Variants in AGPAT4 observed in about 807,000 individuals in gnomAD.
AGPAT4 encodes the protein 1-acyl-sn-glycerol-3-phosphate acyltransferase delta.
AGPAT4 carries 15 observed loss-of-function variants against 48.0 expected under a neutral mutation model. That is an observed-to-expected ratio of 0.31 (90% CI 0.21 to 0.48). AGPAT4 has a LOEUF of 0.48. Among genes scored for constraint, AGPAT4 ranks in the 20% least tolerant of loss-of-function variants. The pLI, the probability that AGPAT4 is intolerant of heterozygous loss-of-function variation, is 0.99. For synonymous variants in AGPAT4, 178 were observed against 198.7 expected (o/e 0.90, Z 0.88); for missense variants, 314 against 482.5 (o/e 0.65, Z 3.27).
intron 2 of AGPAT4, among the ~76,000 whole-genome samples, chr6:161,175,310 T>C (rs568149146): frequency 6.6e-5 from 10 of 152,296 alleles, no homozygotes; most frequent in Non-Finnish European, 1.5e-5. Flanking sequence ...CTATTAATTA[T>C]TGCCTCAATT....
At position 161,196,230 on chromosome 6, in the gene AGPAT4, T is replaced by C. The variant is rs2115005698; in HGVS notation, c.179-29813A>G. Among the ~76,000 whole-genome samples, 1 of 151,936 alleles carries C rather than the reference T, an allele frequency of 6.6e-6. No individual in the cohort carries two copies. Among genetic ancestry groups the C allele is most frequent in the East Asian group, 1.9e-4 (1 of 5,158 alleles). ...GTGACACTTTACCAAAGAACAGCAA[T>C]GTTAAGAAAAAGCCAGGAACTGGAG... is the stretch of plus-strand genomic sequence containing the variant. On this transcript the variant is annotated intron_variant, in intron 2 of 8. Transcript: ENST00000320285. This position sits in a 1 kb window ranked among gnomAD's most constrained non-coding sequence, Gnocchi z 4.3.
chr6:161,186,430 AC>A (rs983091387), intron 2 of AGPAT4, among the ~76,000 whole-genome samples: 8 of 152,004 alleles, frequency 5.3e-5, no homozygotes, highest in African/African-American at 1.5e-4. Context: ...TCCTGTGCAC[AC>A]CACCGACGGC....
chr6:161,260,382 T>C (rs1180741270), intron 1 of AGPAT4, among the ~76,000 whole-genome samples: 1 of 152,024 alleles, frequency 6.6e-6, no homozygotes, highest in Non-Finnish European at 1.5e-5. Context: ...AAGCCAGGCC[T>C]GGCACAGTGG....
rs755379732 is a variant in AGPAT4 at position 161,130,900 on chromosome 6, A to G, written c.*5640T>C. ...AAGATACAGAGAGAATGGCATTCCA[A>G]AATTCCATGGATGACTTTTCTGAAT... On this transcript the variant is annotated 3_prime_UTR_variant, in exon 9 of 9. Transcript: ENST00000320285. 1.9e-5 allele frequency: 10 copies of G among 518,938 alleles called. No homozygotes were observed. The highest frequency in any genetic ancestry group is 3.1e-5 in the Non-Finnish European group (8 of 259,860). 32.1% of individuals were successfully genotyped at this position (518,938 alleles called of 1,614,324 possible). A position where few individuals can be genotyped will look rare whatever the true frequency, so the allele number is the denominator to read the frequency against.
At chr6:161,145,094 T>C (rs1225252389) in intron 7 of AGPAT4, among the ~76,000 whole-genome samples, 2 of 151,776 alleles carry the variant, frequency 1.3e-5, no homozygotes, top group Non-Finnish European at 2.9e-5. Context: ...GAAATTCATA[T>C]GGTTTTCTGT....
Position 161,208,417 on chromosome 6 carries a change from T to C in AGPAT4, c.178+23619A>G, listed in dbSNP as rs894606111. 6.6e-6 allele frequency among the ~76,000 whole-genome samples: 1 copy of C among 152,132 alleles called. No homozygotes were observed. The highest frequency in any genetic ancestry group is 1.5e-5 in the Non-Finnish European group (1 of 68,036). On this transcript the variant is annotated intron_variant, in intron 2 of 8. Transcript: ENST00000320285. This position sits in a 1 kb window ranked among gnomAD's most constrained non-coding sequence, Gnocchi z 4.6. Reference sequence around the variant, plus strand: ...TCTTAACAGCTCAATTAAACTCATGTACACACTTATGTATACAAATGCACG... The same window carrying C: ...TCTTAACAGCTCAATTAAACTCATGCACACACTTATGTATACAAATGCACG...
Position 161,137,043 on chromosome 6 carries a change from C to T in AGPAT4, c.1043-409G>A, listed in dbSNP as rs568913624. Among the ~76,000 whole-genome samples the T allele has an allele frequency of 2.0e-5, 3 of 152,322 alleles. No individual in the cohort carries two copies. Among genetic ancestry groups the T allele is most frequent in the East Asian group, 1.9e-4 (1 of 5,184 alleles). On this transcript the variant is annotated intron_variant, in intron 8 of 8. Coordinates refer to ENST00000320285, the MANE Select transcript of AGPAT4 (RefSeq NM_020133.3). This position sits in a 1 kb window ranked among gnomAD's most constrained non-coding sequence, Gnocchi z 6.1. ...AAGAACAGACCAGGAGCCTGGAAGA[C>T]GCAAGAGCTCGAGTATCGAGTGCCC...
rs1181986608 is a variant in AGPAT4, at chr6:161,221,350, G to C, written c.178+10686C>G. On this transcript the variant is annotated intron_variant, in intron 2 of 8. Transcript: ENST00000320285. The surrounding 1 kb of genome is among the most constrained non-coding windows in gnomAD (Gnocchi z 4.5). The stretch of plus-strand genomic sequence containing the variant: ...CGCACTTTACTCCTTTGAGTTCCTG[G>C]ATTTAAGAGGTGGGAAAAAGGATTT... Among the ~76,000 whole-genome samples the C allele has an allele frequency of 6.6e-6, 1 of 152,148 alleles. No individual in the cohort carries two copies. Among genetic ancestry groups the C allele is most frequent in the Non-Finnish European group, 1.5e-5 (1 of 68,026 alleles).
Position 161,251,452 on chromosome 6 carries a change from G to A in AGPAT4, c.-89-19150C>T, listed in dbSNP as rs987289166. ...AAGTGACCTGCCTGTCACTCAGCTG[G>A]TCAGAACAAAGGAGGGCTCCACCAA... On this transcript the variant is annotated intron_variant, in intron 1 of 8. Transcript: ENST00000320285. The surrounding 1 kb of genome is among the most constrained non-coding windows in gnomAD (Gnocchi z 4.6). 6.6e-6 allele frequency among the ~76,000 whole-genome samples: 1 copy of A among 152,180 alleles called. No homozygotes were observed. Among genetic ancestry groups the A allele is most frequent in the African/African-American group, 2.4e-5 (1 of 41,438 alleles).
Position 161,232,412 on chromosome 6 carries a change from G to A in AGPAT4, c.-89-110C>T, listed in dbSNP as rs1463666913. 2.6e-5 allele frequency: 14 copies of A among 544,778 alleles called. No homozygotes were observed. In the East Asian group the frequency reaches 3.0e-4, roughly 12 times the overall value. The allele number at this position is 544,778 out of a possible 1,614,324, so 33.7% of individuals were successfully genotyped here. ...TACACTTGAGGTTAAACTCATGTGC[G>A]TTAGTTGATTTATCTTTATTTTGCA... On this transcript the variant is annotated intron_variant, in intron 1 of 8. Transcript: ENST00000320285. This position sits in a 1 kb window ranked among gnomAD's most constrained non-coding sequence, Gnocchi z 6.8.
At position 161,245,324 on chromosome 6, in the gene AGPAT4, G is replaced by A. The variant is rs1202579893; in HGVS notation, c.-89-13022C>T. ...CAGGGGTGATGGGAGACTTCAGGAGGTGATGGATGTGGAAGCCTTCTGCAG... is the reference window on the plus strand; with the variant it reads ...CAGGGGTGATGGGAGACTTCAGGAGATGATGGATGTGGAAGCCTTCTGCAG... On this transcript the variant is annotated intron_variant, in intron 1 of 8. Coordinates refer to ENST00000320285, the MANE Select transcript of AGPAT4 (RefSeq NM_020133.3). The surrounding 1 kb of genome is among the most constrained non-coding windows in gnomAD (Gnocchi z 5.2). Among the ~76,000 whole-genome samples, 1 of 152,236 alleles carries A rather than the reference G, an allele frequency of 6.6e-6. No individual in the cohort carries two copies. Among genetic ancestry groups the A allele is most frequent in the Non-Finnish European group, 1.5e-5 (1 of 68,048 alleles).
rs748666492 is a variant in AGPAT4 at position 161,136,521 on chromosome 6, A to G, written c.*19T>C. 3 of 1,611,090 alleles carry G rather than the reference A, an allele frequency of 1.9e-6. No homozygotes were observed. The highest frequency in any genetic ancestry group is 2.7e-5 in the African/African-American group (2 of 74,854). On this transcript the variant is annotated 3_prime_UTR_variant, in exon 9 of 9. Coordinates refer to ENST00000320285, the MANE Select transcript of AGPAT4 (RefSeq NM_020133.3). ...ACCAGTTCCCCAAGGTTCCCTTCGG[A>G]TGGTGACACCTCCCTGAGTCAGTCA...
At chr6:161,248,933 T>A (rs1782737129) in intron 1 of AGPAT4, among the ~76,000 whole-genome samples, 1 of 152,116 alleles carries the variant, frequency 6.6e-6, no homozygotes, top group South Asian at 2.1e-4. Flanking sequence ...AGGGCTACAG[T>A]AACCAAATGG....
intron 2 of AGPAT4, among the ~76,000 whole-genome samples, chr6:161,185,241 T>C (rs1053703292): frequency 4.6e-5 from 7 of 151,440 alleles, no homozygotes; most frequent in African/African-American, 1.7e-4. Flanking sequence ...CATTAATTTA[T>C]ATTCTTTTGA....
intron 2 of AGPAT4, among the ~76,000 whole-genome samples, chr6:161,175,842 G>T (rs1780413700): frequency 2.0e-5 from 3 of 152,060 alleles, no homozygotes; most frequent in African/African-American, 7.2e-5. Flanking sequence ...TTATGTCTTT[G>T]TTCTCATTGG....
rs1362379686 is a variant in AGPAT4, at chr6:161,232,077, A to T, written c.137T>A (p.Phe46Tyr). The change falls in exon 2 of 9, where the codon TTC (phenylalanine) becomes TAC (tyrosine). Residue 46 changes from phenylalanine to tyrosine, a missense_variant. By Grantham distance (22) the Phe-to-Tyr change is conservative. Transcript: ENST00000320285. The surrounding 1 kb of genome is among the most constrained non-coding windows in gnomAD (Gnocchi z 6.8). ...LLLWPINKQL[F>Y]RKINCRLSYC... The stretch of plus-strand genomic sequence containing the variant: ...GGACAGTCTGCAGTTGATCTTCCGG[A>T]AGAGCTGCTTGTTAATGGGCCAGAG... 1 of 1,614,078 alleles carries T rather than the reference A, an allele frequency of 6.2e-7. No individual in the cohort carries two copies. The highest frequency in any genetic ancestry group is 8.5e-7 in the Non-Finnish European group (1 of 1,179,978).
In AGPAT4 at chr6:161,245,616, C is replaced by A. The variant is rs373118222; in HGVS notation, c.-89-13314G>T. Among the ~76,000 whole-genome samples, 4 of 152,174 alleles carry A rather than the reference C, an allele frequency of 2.6e-5. No homozygotes were observed. The highest frequency in any genetic ancestry group is 9.6e-5 in the African/African-American group (4 of 41,534). On this transcript the variant is annotated intron_variant, in intron 1 of 8. Coordinates refer to ENST00000320285, the MANE Select transcript of AGPAT4 (RefSeq NM_020133.3). This position sits in a 1 kb window ranked among gnomAD's most constrained non-coding sequence, Gnocchi z 5.2. ...AGTTTAGGGGGACACAAGCAAGTGG[C>A]CGTTCATTTTCTTCTGCATCTCAGA...
At position 161,242,661 on chromosome 6, in the gene AGPAT4, C is replaced by T. The variant is rs1201741844; in HGVS notation, c.-89-10359G>A. On this transcript the variant is annotated intron_variant, in intron 1 of 8. Coordinates refer to ENST00000320285, the MANE Select transcript of AGPAT4 (RefSeq NM_020133.3). The surrounding 1 kb of genome is among the most constrained non-coding windows in gnomAD (Gnocchi z 5.0). ...TAAAATTATGCTCAGTCTGTGAAGT[C>T]TCCAAAAAATTTTATCAACTCCTGA... Among the ~76,000 whole-genome samples, 1 of 152,128 alleles carries T rather than the reference C, an allele frequency of 6.6e-6. No individual in the cohort carries two copies. Among genetic ancestry groups the T allele is most frequent in the African/African-American group, 2.4e-5 (1 of 41,424 alleles).
At chr6:161,194,126 G>A (rs966386221) in intron 2 of AGPAT4, among the ~76,000 whole-genome samples, 2 of 151,866 alleles carry the variant, frequency 1.3e-5, no homozygotes, top group East Asian at 1.9e-4. Context: ...ATACACACTG[G>A]GTTTTGAAGA....
Sources: gnomAD v4.1 joint callset for allele counts (sites outside exome capture counted in the v4.1 genomes callset) on GRCh38, gnomAD v4.1.1 for gene constraint, Gnocchi (gnomAD v3.1) non-coding constraint, MANE v1.5 for transcripts, NCBI Gene and HGNC (gene_info 2026-07-23, HGNC 2026-07-21) for gene names.